The following GSKIP variants were observed in gnomAD, a reference collection of about 807,000 sequenced individuals.
GSKIP encodes the protein GSK3B-interacting protein.
Under a neutral mutation model 11.9 loss-of-function variants are expected in GSKIP, and 5 were observed. The ratio of observed to expected loss-of-function variants is 0.42; its 90% CI spans 0.22 to 0.89. GSKIP has a LOEUF of 0.89. Ranked by LOEUF, GSKIP falls within the 40% of genes least tolerant of loss-of-function variation. The pLI is 0.29. For synonymous variants in GSKIP, 70 were observed against 62.9 expected, an observed-to-expected ratio of 1.11 and a Z score of -0.54; for missense variants, 150 against 166.6, an observed-to-expected ratio of 0.90 and a Z score of 0.55.
chr14:96,368,704 A>G (rs1214324387), intron 1 of GSKIP, among the ~76,000 whole-genome samples: 2 of 151,854 alleles, frequency 1.3e-5, no homozygotes, highest in African/African-American at 4.8e-5. Flanking sequence ...CTCTCTGTAT[A>G]TCTGTCTCCC....
chr14:96,378,028 A>G (rs988890850), intron 1 of GSKIP, among the ~76,000 whole-genome samples: 2 of 152,254 alleles, frequency 1.3e-5, no homozygotes, highest in African/African-American at 4.8e-5. Context: ...TAAACTGCTT[A>G]GCACCTTATG....
chr14:96,377,918 G>A lies in GSKIP; in HGVS notation c.-102-1770G>A, dbSNP rs561640406. ...CAGTACATGTTGCTATGATGATGCT[G>A]GAATTAAAATACAAAGCATGAAACC... On this transcript the variant is annotated intron_variant, in intron 1 of 3. Coordinates refer to ENST00000555181, the MANE Select transcript of GSKIP (RefSeq NM_016472.5). 3.3e-5 allele frequency among the ~76,000 whole-genome samples: 5 copies of A among 152,304 alleles called. No individual in the cohort carries two copies. In the South Asian group the frequency reaches 1.0e-3, roughly 32 times the overall value.
chr14:96,381,935 C>G (rs1357451746), intron 2 of GSKIP, among the ~76,000 whole-genome samples: 1 of 152,026 alleles, frequency 6.6e-6, no homozygotes, highest in Non-Finnish European at 1.5e-5. Context: ...AAAATATGTA[C>G]TAGGATTGTT....
chr14:96,371,815 T>C (rs1889056838), intron 1 of GSKIP, among the ~76,000 whole-genome samples: 1 of 152,152 alleles, frequency 6.6e-6, no homozygotes, highest in African/African-American at 2.4e-5. Flanking sequence ...TTGCAAAAAC[T>C]TAGAGAAGGC....
chr14:96,387,172 T>C lies in GSKIP; in HGVS notation c.*1488T>C, dbSNP rs961349783. The C allele has an allele frequency of 2.0e-5, 3 of 152,236 alleles. No homozygotes were observed. Among genetic ancestry groups the C allele is most frequent in the African/African-American group, 7.2e-5 (3 of 41,468 alleles). 9.4% of individuals were successfully genotyped at this position (152,236 alleles called of 1,614,324 possible). ...TGTTTAATCTCAGGCTAAATGTAAA[T>C]GATATTTGTAAAGTTTGAATAAAAT... On this transcript the variant is annotated 3_prime_UTR_variant, in exon 4 of 4. Transcript: ENST00000555181.
chr14:96,381,409 A>G (rs1009560752), intron 2 of GSKIP, among the ~76,000 whole-genome samples: 4 of 152,202 alleles, frequency 2.6e-5, no homozygotes, highest in Non-Finnish European at 4.4e-5. Context: ...AAGTTATGCA[A>G]AATAAATTCC....
intron 1 of GSKIP, among the ~76,000 whole-genome samples, chr14:96,371,391 C>G (rs1370114491): frequency 6.7e-6 from 1 of 150,346 alleles, no homozygotes; most frequent in Non-Finnish European, 1.5e-5. Context: ...TAATCATTTT[C>G]TTTTCACCAT....
At chr14:96,369,562 A>G (rs1295884715) in intron 1 of GSKIP, among the ~76,000 whole-genome samples, 4 of 152,188 alleles carry the variant, frequency 2.6e-5, no homozygotes, top group Admixed American at 2.6e-4. Flanking sequence ...TGCTCCCTGC[A>G]TCCTGGTTGC....
chr14:96,372,509 C>T (rs1232763999), intron 1 of GSKIP, among the ~76,000 whole-genome samples: 25 of 152,106 alleles, frequency 1.6e-4, no homozygotes, highest in Admixed American at 1.5e-3. Flanking sequence ...TCTTCAAAGT[C>T]GTGTTAAAAT....
At chr14:96,372,239 TTC>T (rs1889067393) in intron 1 of GSKIP, among the ~76,000 whole-genome samples, 1 of 152,338 alleles carries the variant, frequency 6.6e-6, no homozygotes, top group African/African-American at 2.4e-5. Flanking sequence ...AGTTAGAATT[TTC>T]TCTGTTTTAT....
At chr14:96,374,529 A>T (rs538840677) in intron 1 of GSKIP, among the ~76,000 whole-genome samples, 80 of 152,270 alleles carry the variant, frequency 5.3e-4, no homozygotes, top group African/African-American at 1.9e-3. Context: ...GTCGAGAAAC[A>T]TCTTTTTAAT....
chr14:96,367,683 A>C (rs1888926551), intron 1 of GSKIP, among the ~76,000 whole-genome samples: 1 of 152,254 alleles, frequency 6.6e-6, no homozygotes, highest in African/African-American at 2.4e-5. Context: ...TAAACGATTT[A>C]GTAATCAATG....
chr14:96,366,475 A>T (rs1253832889), intron 1 of GSKIP, among the ~76,000 whole-genome samples: 1 of 152,248 alleles, frequency 6.6e-6, no homozygotes, highest in Admixed American at 6.5e-5. Context: ...ACCTGTCATT[A>T]TGATATCTTT....
chr14:96,369,205 A>G (rs1251858686), intron 1 of GSKIP, among the ~76,000 whole-genome samples: 1 of 152,242 alleles, frequency 6.6e-6, no homozygotes, highest in Non-Finnish European at 1.5e-5. Context: ...ATGTCTAAGC[A>G]GCAAAGGGTT....
At chr14:96,375,842 G>T (rs1023770040) in intron 1 of GSKIP, among the ~76,000 whole-genome samples, 1 of 152,228 alleles carries the variant, frequency 6.6e-6, no homozygotes, top group African/African-American at 2.4e-5. Context: ...AGGTGGCACA[G>T]GGTATCACAT....
intron 1 of GSKIP, among the ~76,000 whole-genome samples, chr14:96,372,643 G>A (rs890758087): frequency 1.3e-5 from 2 of 152,178 alleles, no homozygotes; most frequent in South Asian, 2.1e-4. Flanking sequence ...TAGTATAGGT[G>A]ATCCCTGAGA....
Position 96,366,646 on chromosome 14 carries a change from A to G in GSKIP, c.-103+3078A>G, listed in dbSNP as rs1002523523. Among the ~76,000 whole-genome samples the G allele has an allele frequency of 2.0e-5, 3 of 152,246 alleles. No individual in the cohort carries two copies. In the East Asian group the frequency reaches 5.8e-4, roughly 29 times the overall value. ...GGTGACGTGCCCCTGTAATCCCAGC[A>G]CTTTGGAAGGCCAAGGCCGGAAGGA... On this transcript the variant is annotated intron_variant, in intron 1 of 3. Transcript: ENST00000555181.
At chr14:96,382,165 C>A in intron 2 of GSKIP, 82 bp from the exon 3 acceptor site, 1 of 906,684 alleles carries the variant, frequency 1.1e-6, no homozygotes, top group Non-Finnish European at 1.6e-6. Context: ...AATTGTAAGG[C>A]ATAGCTAATT....
At chr14:96,382,222 T>A in intron 2 of GSKIP, 25 bp from the exon 3 acceptor site, 1 of 1,518,818 alleles carries the variant, frequency 6.6e-7, no homozygotes, top group South Asian at 1.2e-5. Context: ...ACAAATTTTA[T>A]AACTGCTTTT....
Sources: gnomAD v4.1 joint callset for allele counts (sites outside exome capture counted in the v4.1 genomes callset) on GRCh38, gnomAD v4.1.1 for gene constraint, MANE v1.5 for transcripts, NCBI Gene and HGNC (gene_info 2026-07-23, HGNC 2026-07-21) for gene names.